Variants in FOXN3 observed in about 807,000 individuals in gnomAD.
FOXN3 encodes the protein forkhead box N3.
A neutral mutation model predicts 38.4 loss-of-function variants in FOXN3; 7 were observed. That is an observed-to-expected ratio of 0.18 (90% CI 0.10 to 0.34). The LOEUF is 0.34. Ranked by LOEUF, FOXN3 falls within the 10% of genes least tolerant of loss-of-function variation. FOXN3 has a pLI of 1.00. For synonymous variants in FOXN3, 230 were observed against 242.2 expected (o/e 0.95, Z 0.47); for missense variants, 456 against 613.4 (o/e 0.74, Z 2.71).
intron 1 of FOXN3, among the ~76,000 whole-genome samples, chr14:89,423,457 A>G (rs1891958880): frequency 6.6e-6 from 1 of 152,230 alleles, no homozygotes; most frequent in Non-Finnish European, 1.5e-5. Flanking sequence ...CTGCATACCA[A>G]TTTAGAATTG....
intron 3 of FOXN3, among the ~76,000 whole-genome samples, chr14:89,305,038 G>A (rs1166587880): frequency 6.7e-6 from 1 of 150,360 alleles, no homozygotes; most frequent in Admixed American, 6.6e-5. Flanking sequence ...CACTATATTT[G>A]CTTATGAAAT....
intron 1 of FOXN3, among the ~76,000 whole-genome samples, chr14:89,583,372 G>T (rs1318920350): frequency 6.6e-6 from 1 of 152,200 alleles, no homozygotes; most frequent in African/African-American, 2.4e-5. Context: ...GCTTTCAGGA[G>T]TAGGTTCTCT....
intron 1 of FOXN3, among the ~76,000 whole-genome samples, chr14:89,560,520 C>G (rs1895227378): frequency 6.6e-6 from 1 of 152,222 alleles, no homozygotes; most frequent in Non-Finnish European, 1.5e-5. Context: ...ACACCTACCC[C>G]TGGAATAGAC....
At chr14:89,205,551 C>T (rs554472978) in intron 4 of FOXN3, among the ~76,000 whole-genome samples, 68 of 152,228 alleles carry the variant, frequency 4.5e-4, no homozygotes, top group Non-Finnish European at 7.5e-4. Flanking sequence ...ACACATCGAC[C>T]GACACCAACA....
intron 5 of FOXN3, among the ~76,000 whole-genome samples, chr14:89,178,578 G>A (rs1004258262): frequency 7.2e-5 from 11 of 152,202 alleles, no homozygotes; most frequent in Admixed American, 6.5e-4. Context: ...GAGCCCAGCT[G>A]AGGCACTCAG....
chr14:89,512,103 A>G (rs942229089), intron 1 of FOXN3, among the ~76,000 whole-genome samples: 1 of 150,260 alleles, frequency 6.7e-6, no homozygotes, highest in African/African-American at 2.5e-5. Flanking sequence ...CTCAGAGGGC[A>G]CACCGCTGTT....
At chr14:89,520,940 C>T (rs1894304698) in intron 1 of FOXN3, among the ~76,000 whole-genome samples, 1 of 152,110 alleles carries the variant, frequency 6.6e-6, no homozygotes, top group African/African-American at 2.4e-5. Flanking sequence ...AAAATATGCT[C>T]ATCATAAACC....
At chr14:89,536,213 T>C (rs1165372284) in intron 1 of FOXN3, among the ~76,000 whole-genome samples, 1 of 152,174 alleles carries the variant, frequency 6.6e-6, no homozygotes, top group Non-Finnish European at 1.5e-5. Flanking sequence ...CTGGTAGGCC[T>C]GGTTTCAAAT....
chr14:89,442,811 A>T (rs1892414880), intron 1 of FOXN3, among the ~76,000 whole-genome samples: 1 of 151,706 alleles, frequency 6.6e-6, no homozygotes, highest in Non-Finnish European at 1.5e-5. Context: ...TGTAATTTAC[A>T]CATTAGCCTA....
At chr14:89,297,334 G>A (rs548869023) in intron 3 of FOXN3, among the ~76,000 whole-genome samples, 4 of 152,118 alleles carry the variant, frequency 2.6e-5, no homozygotes, top group East Asian at 1.9e-4. Flanking sequence ...AAGCCGAGGC[G>A]GGCGGATCAC....
intron 3 of FOXN3, among the ~76,000 whole-genome samples, chr14:89,322,103 G>A (rs932148440): frequency 2.0e-5 from 3 of 152,138 alleles, no homozygotes; most frequent in Admixed American, 6.5e-5. Context: ...AGTTCCTCCC[G>A]GCTTGCTGCC....
chr14:89,554,765 T>C (rs542834730), intron 1 of FOXN3, among the ~76,000 whole-genome samples: 1 of 150,032 alleles, frequency 6.7e-6, no homozygotes, highest in Non-Finnish European at 1.5e-5. Flanking sequence ...ATATAATCTA[T>C]GTAAATACTA....
intron 3 of FOXN3, among the ~76,000 whole-genome samples, chr14:89,311,364 C>T (rs575804005): frequency 1.2e-4 from 18 of 147,664 alleles, no homozygotes; most frequent in African/African-American, 4.5e-4. Context: ...CCCAGCTACT[C>T]GGGAGGCTGA....
chr14:89,338,993 G>A (rs1888540605), intron 3 of FOXN3, among the ~76,000 whole-genome samples: 1 of 152,126 alleles, frequency 6.6e-6, no homozygotes, highest in Non-Finnish European at 1.5e-5. Context: ...TTTAAGACAA[G>A]TATTCTTTTT....
chr14:89,392,162 T>C (rs1890966057), intron 2 of FOXN3, among the ~76,000 whole-genome samples: 1 of 152,184 alleles, frequency 6.6e-6, no homozygotes, highest in Non-Finnish European at 1.5e-5. Context: ...GGAGAGAAGT[T>C]CTAAGCCCAG....
At chr14:89,494,962 A>G (rs1893648931) in intron 1 of FOXN3, among the ~76,000 whole-genome samples, 2 of 152,220 alleles carry the variant, frequency 1.3e-5, no homozygotes, top group African/African-American at 2.4e-5. Flanking sequence ...TGTCCTTATC[A>G]ATGCTTGGAC....
chr14:89,509,963 T>C (rs2139804451), intron 1 of FOXN3, among the ~76,000 whole-genome samples: 1 of 152,306 alleles, frequency 6.6e-6, no homozygotes, highest in South Asian at 2.1e-4. Context: ...ATGTTTCCCA[T>C]GAAGAAGGGC....
chr14:89,480,219 G>A (rs1287407), intron 1 of FOXN3, among the ~76,000 whole-genome samples: 88,914 of 151,816 alleles, frequency 0.59, 28,179 homozygotes, highest in Non-Finnish European at 0.72. Flanking sequence ...TGGCTAACAC[G>A]GTGAAACCCC....
chr14:89,420,084 C>G (rs188898916), upstream of FOXN3, among the ~76,000 whole-genome samples: 25 of 152,322 alleles, frequency 1.6e-4, no homozygotes, highest in African/African-American at 6.0e-4. Context: ...TCCTTTCGTG[C>G]TTCCCTCTAT....
Sources: allele counts gnomAD v4.1 joint callset (sites outside exome capture counted in the v4.1 genomes callset), GRCh38; gene constraint gnomAD v4.1.1; transcripts MANE v1.5; gene names NCBI Gene and HGNC (gene_info 2026-07-23, HGNC 2026-07-21).